GABRB3: variants seen among roughly 807,000 people sequenced by gnomAD.
GABRB3 encodes gamma-aminobutyric acid type A receptor subunit beta3.
In GABRB3, 14 loss-of-function variants were observed where a neutral mutation model predicts 52.1. That is an observed-to-expected ratio of 0.27 (90% CI 0.18 to 0.42). The LOEUF is 0.42. Among genes scored for constraint, GABRB3 ranks in the 10% least tolerant of loss-of-function variants. GABRB3 has a pLI of 1.00. For synonymous variants in GABRB3, 260 were observed against 232.3 expected, an observed-to-expected ratio of 1.12 and a Z score of -1.08; for missense variants, 307 against 609.1, an observed-to-expected ratio of 0.50 and a Z score of 5.22.
rs1274721818 is a variant in GABRB3 at position 26,624,981 on chromosome 15, T to C, written c.241-3447A>G. ...ACGCCCTGTGCTACCTAGAACCTCA[T>C]TTAACTAGGAGGCAGGTATTATAAT... On this transcript the variant is annotated intron_variant, in intron 3 of 8. Coordinates refer to ENST00000311550, the MANE Select transcript of GABRB3 (RefSeq NM_000814.6). 4.1e-6 allele frequency: 4 copies of C among 984,734 alleles called. No homozygotes were observed. In the East Asian group the frequency reaches 3.4e-4, roughly 84 times the overall value. The allele number at this position is 984,734 out of a possible 1,614,324, so 61.0% of individuals were successfully genotyped here.
rs760606860 is a variant in GABRB3 at position 26,675,469 on chromosome 15, G to A, written c.241-53935C>T. ...TGTGCATGTGTGTGAGTGTGTGTGCGTGTTGGGAGTAGAGGTAAGCAGTGT... is the reference window on the plus strand; with the variant it reads ...TGTGCATGTGTGTGAGTGTGTGTGCATGTTGGGAGTAGAGGTAAGCAGTGT... On this transcript the variant is annotated intron_variant, in intron 3 of 8. Coordinates refer to ENST00000311550, the MANE Select transcript of GABRB3 (RefSeq NM_000814.6). Among the ~76,000 whole-genome samples, 8 of 152,172 alleles carry A rather than the reference G, an allele frequency of 5.3e-5. No homozygotes were observed. The East Asian group carries it at 9.7e-4, about 18-fold the overall frequency.
At chr15:26,673,971 T>C (rs1409509826) in intron 3 of GABRB3, among the ~76,000 whole-genome samples, 4 of 152,178 alleles carry the variant, frequency 2.6e-5, no homozygotes, top group Non-Finnish European at 5.9e-5. Flanking sequence ...TGTTAATCTA[T>C]AAAACGTGTT....
At chr15:26,742,204 T>G (rs562360833) in intron 3 of GABRB3, among the ~76,000 whole-genome samples, 1 of 152,244 alleles carries the variant, frequency 6.6e-6, no homozygotes, top group African/African-American at 2.4e-5. Context: ...TATCCATGTA[T>G]CTCTTAGAGT....
chr15:26,657,210 G>C (rs1351705096), intron 3 of GABRB3: 2 of 152,152 alleles, frequency 1.3e-5, no homozygotes, highest in Admixed American at 1.3e-4. Flanking sequence ...CTGAGGAGAG[G>C]CTTATCTTCT....
At position 26,576,267 on chromosome 15, in the gene GABRB3, G is replaced by T. The variant is rs1002408683; in HGVS notation, c.682+4052C>A. Among the ~76,000 whole-genome samples, 4 of 152,270 alleles carry T rather than the reference G, an allele frequency of 2.6e-5. No homozygotes were observed. In the East Asian group the frequency reaches 7.7e-4, roughly 29 times the overall value. ...AGCCAACGGCTCAAATATCCTGACTGAGCTTTATAGTGCTTTCTTCAACAA... is the reference window on the plus strand; with the variant it reads ...AGCCAACGGCTCAAATATCCTGACTTAGCTTTATAGTGCTTTCTTCAACAA... On this transcript the variant is annotated intron_variant, in intron 6 of 8. Coordinates refer to ENST00000311550, the MANE Select transcript of GABRB3 (RefSeq NM_000814.6).
intron 3 of GABRB3, among the ~76,000 whole-genome samples, chr15:26,761,829 CTTA>C (rs922663013): frequency 1.3e-5 from 2 of 151,936 alleles, no homozygotes; most frequent in African/African-American, 4.8e-5. Context: ...CTCTATCCCT[CTTA>C]TTTATTTATT....
intron 3 of GABRB3, among the ~76,000 whole-genome samples, chr15:26,768,337 T>G (rs1404129572): frequency 6.6e-6 from 1 of 152,176 alleles, no homozygotes; most frequent in East Asian, 1.9e-4. Context: ...TAGTTTTATG[T>G]CCCTAATACC....
chr15:26,556,462 A>G (rs1216934111), intron 8 of GABRB3, among the ~76,000 whole-genome samples: 1 of 152,218 alleles, frequency 6.6e-6, no homozygotes, highest in Non-Finnish European at 1.5e-5. Flanking sequence ...CTTGCCAAGA[A>G]TTATGACTCT....
chr15:26,773,547 C>G, upstream of GABRB3: 1 of 929,162 alleles, frequency 1.1e-6, no homozygotes, highest in Non-Finnish European at 1.6e-6. Flanking sequence ...CGCTGCAGCG[C>G]AGCCCGAGAG....
At chr15:26,690,631 G>A (rs28640199) in intron 3 of GABRB3, among the ~76,000 whole-genome samples, 3,646 of 151,838 alleles carry the variant, frequency 0.024, 139 homozygotes, top group African/African-American at 0.084. Context: ...CAGGGCAGAC[G>A]GCTGGCATTT....
At chr15:26,697,514 A>G (rs548263727) in intron 3 of GABRB3, among the ~76,000 whole-genome samples, 2 of 151,802 alleles carry the variant, frequency 1.3e-5, no homozygotes, top group Non-Finnish European at 2.9e-5. Flanking sequence ...ACCCTGGCAC[A>G]CTCTCTCAGG....
At chr15:26,673,084 G>T (rs11630626) in intron 3 of GABRB3, among the ~76,000 whole-genome samples, 11,824 of 152,184 alleles carry the variant, frequency 0.078, 643 homozygotes, top group Admixed American at 0.14. Context: ...TTTTCCTGGG[G>T]TCACTCTTTC....
chr15:26,599,840 G>A (rs965461929), intron 4 of GABRB3, among the ~76,000 whole-genome samples: 3 of 152,044 alleles, frequency 2.0e-5, no homozygotes, highest in African/African-American at 2.4e-5. Flanking sequence ...AAAAAGAATC[G>A]AGAAATCATG....
At chr15:26,761,190 C>T (rs1890812485) in intron 3 of GABRB3, among the ~76,000 whole-genome samples, 1 of 152,014 alleles carries the variant, frequency 6.6e-6, no homozygotes, top group East Asian at 1.9e-4. Flanking sequence ...GTCAGAAGTT[C>T]GAGACCAGCC....
chr15:26,602,984 T>A (rs1891643070), intron 4 of GABRB3, among the ~76,000 whole-genome samples: 1 of 151,742 alleles, frequency 6.6e-6, no homozygotes, highest in Non-Finnish European at 1.5e-5. Context: ...AAAGTTTTTT[T>A]AAAAGAGAAA....
chr15:26,586,615 C>G (rs1890998048), intron 4 of GABRB3, among the ~76,000 whole-genome samples: 1 of 145,260 alleles, frequency 6.9e-6, no homozygotes, highest in Non-Finnish European at 1.5e-5. Flanking sequence ...TAAAATGGAG[C>G]CCCATTTCAG....
At chr15:26,622,836 C>CTA (rs1481651245) in intron 3 of GABRB3, among the ~76,000 whole-genome samples, 5 of 152,118 alleles carry the variant, frequency 3.3e-5, no homozygotes, top group African/African-American at 2.4e-5. Flanking sequence ...CCAGCTTGTA[C>CTA]TATATCACTG....
At chr15:26,687,008 T>C (rs571793548) in intron 3 of GABRB3, among the ~76,000 whole-genome samples, 1 of 152,294 alleles carries the variant, frequency 6.6e-6, no homozygotes, top group Non-Finnish European at 1.5e-5. Context: ...TGGTGCACCA[T>C]GGGGCTCCAT....
chr15:26,581,177 AG>A (rs1201803139), intron 5 of GABRB3: 1 of 158,934 alleles, frequency 6.3e-6, no homozygotes, highest in Non-Finnish European at 1.4e-5. Flanking sequence ...GTGGGGCAAT[AG>A]GTGCATTCTT....
Sources: gnomAD v4.1 joint callset for allele counts (sites outside exome capture counted in the v4.1 genomes callset) on GRCh38, gnomAD v4.1.1 for gene constraint, MANE v1.5 for transcripts, NCBI Gene and HGNC (gene_info 2026-07-23, HGNC 2026-07-21) for gene names.